FBXO31: variants seen among roughly 807,000 people sequenced by gnomAD.
The protein encoded by FBXO31 is F-box protein 31, also known as F-box only protein 31.
Under a neutral mutation model 54.4 loss-of-function variants are expected in FBXO31, and 24 were observed. The observed-to-expected ratio is 0.44, with a 90% confidence interval of 0.32 to 0.62. The LOEUF is 0.62. FBXO31 is among the 20% of genes least tolerant of loss of function. The pLI is 0.05. For synonymous variants in FBXO31, 388 were observed against 335.6 expected (o/e 1.16, Z -1.71); for missense variants, 665 against 787.1 (o/e 0.84, Z 1.86).
At position 87,343,701 on chromosome 16, in the gene FBXO31, G is replaced by T; in HGVS notation, c.554C>A (p.Pro185His). ...CCTGAACAGAGGCTTGAATCTCATA[G>T]GGTCATCGACGTGGGGGTCATGGGG... ...LPPHDPHVDD[P>H]MRFKPLFRIH... The change falls in exon 4 of 9, where the codon CCT becomes CAT. Residue 185 changes from proline (P) to histidine (H), a missense_variant. Physicochemically the swap from Pro to His is moderately conservative, Grantham distance 77. This residue lies in a region of FBXO31 where 234 missense variants were observed against 346.8 expected (regional missense o/e 0.67). Coordinates refer to ENST00000311635, the MANE Select transcript of FBXO31 (RefSeq NM_024735.5). 1 of 1,614,268 alleles carries T rather than the reference G, an allele frequency of 6.2e-7. No individual in the cohort carries two copies. Among genetic ancestry groups the T allele is most frequent in the Non-Finnish European group, 8.5e-7 (1 of 1,180,044 alleles).
intron 1 of FBXO31, among the ~76,000 whole-genome samples, chr16:87,381,742 C>T (rs1245916115): frequency 4.6e-5 from 7 of 152,184 alleles, no homozygotes; most frequent in Admixed American, 4.6e-4. Context: ...CTGCACCCTA[C>T]CAGCCAGCGT....
At chr16:87,348,475 C>T (rs1905492236) in intron 2 of FBXO31, among the ~76,000 whole-genome samples, 1 of 152,202 alleles carries the variant, frequency 6.6e-6, no homozygotes, top group Non-Finnish European at 1.5e-5. Flanking sequence ...CACGCCTGGG[C>T]CCCCTAATGG....
At chr16:87,373,129 T>C (rs893397831) in intron 1 of FBXO31, among the ~76,000 whole-genome samples, 1 of 151,222 alleles carries the variant, frequency 6.6e-6, no homozygotes, top group Non-Finnish European at 1.5e-5. Flanking sequence ...AGTGCTGAGA[T>C]AACAGATGTG....
rs1904800148 is a variant in FBXO31 at position 87,330,190 on chromosome 16, C to T, written c.*1098G>A. 6.6e-6 allele frequency: 1 copy of T among 152,480 alleles called. No individual in the cohort carries two copies. The highest frequency in any genetic ancestry group is 1.5e-5 in the Non-Finnish European group (1 of 68,202). 9.4% of individuals were successfully genotyped at this position (152,480 alleles called of 1,614,324 possible). On this transcript the variant is annotated 3_prime_UTR_variant, in exon 9 of 9. Coordinates refer to ENST00000311635, the MANE Select transcript of FBXO31 (RefSeq NM_024735.5). ...CAAGACCTCAGATGGGGTCCCCACA[C>T]GCAGGTGTTAACACAACATGGGGCA...
At chr16:87,376,423 G>A (rs1906827759) in intron 1 of FBXO31, among the ~76,000 whole-genome samples, 2 of 152,126 alleles carry the variant, frequency 1.3e-5, no homozygotes, top group African/African-American at 2.4e-5. Context: ...ACAGGTGTGA[G>A]TCACCACGTC....
Position 87,338,271 on chromosome 16 carries a change from G to A in FBXO31, c.733-2007C>T, listed in dbSNP as rs1051181433. Among the ~76,000 whole-genome samples the A allele has an allele frequency of 3.3e-5, 5 of 151,214 alleles. No individual in the cohort carries two copies. Among genetic ancestry groups the A allele is most frequent in the African/African-American group, 9.7e-5 (4 of 41,172 alleles). On this transcript the variant is annotated intron_variant, in intron 5 of 8. Coordinates refer to ENST00000311635, the MANE Select transcript of FBXO31 (RefSeq NM_024735.5). This position sits in a 1 kb window ranked among gnomAD's most constrained non-coding sequence, Gnocchi z 4.3. ...AAAACAGGGAGCCCAGGACATGCACGACAACGATCAACTTCACGTTGACCC... is the reference window on the plus strand; with the variant it reads ...AAAACAGGGAGCCCAGGACATGCACAACAACGATCAACTTCACGTTGACCC...
chr16:87,374,549 G>A (rs1353433035), intron 1 of FBXO31, among the ~76,000 whole-genome samples: 1 of 152,204 alleles, frequency 6.6e-6, no homozygotes, highest in Non-Finnish European at 1.5e-5. Flanking sequence ...CCGACTGTCT[G>A]TATAGGAAAA....
intron 1 of FBXO31, among the ~76,000 whole-genome samples, chr16:87,376,658 T>C (rs1372001388): frequency 6.6e-6 from 1 of 152,088 alleles, no homozygotes; most frequent in Admixed American, 6.6e-5. Flanking sequence ...AACTGGGTGG[T>C]AAACACAGAA....
intron 5 of FBXO31, 143 bp downstream of exon 5, chr16:87,342,734 C>T (rs1905231690): frequency 7.4e-6 from 5 of 675,566 alleles, no homozygotes; most frequent in Admixed American, 6.2e-5. Flanking sequence ...ACGGTCTGCA[C>T]TGACAATACC....
intron 2 of FBXO31, among the ~76,000 whole-genome samples, chr16:87,356,927 A>G (rs575115292): frequency 1.3e-5 from 2 of 152,158 alleles, no homozygotes; most frequent in Non-Finnish European, 2.9e-5. Flanking sequence ...TGTCTCCATC[A>G]CCACTCAACC....
At chr16:87,374,914 G>A (rs1173131232) in intron 1 of FBXO31, among the ~76,000 whole-genome samples, 1 of 152,230 alleles carries the variant, frequency 6.6e-6, no homozygotes, top group Non-Finnish European at 1.5e-5. Flanking sequence ...TGGGCGTAAT[G>A]GCTCACGCCT....
chr16:87,353,950 G>A (rs1324358585), intron 2 of FBXO31, among the ~76,000 whole-genome samples: 1 of 152,232 alleles, frequency 6.6e-6, no homozygotes, highest in Non-Finnish European at 1.5e-5. Context: ...CACAGGCTTG[G>A]GGACTAGGAT....
At chr16:87,351,442 A>C (rs1328574528) in intron 2 of FBXO31, among the ~76,000 whole-genome samples, 1 of 152,112 alleles carries the variant, frequency 6.6e-6, no homozygotes, top group East Asian at 1.9e-4. Context: ...CGTTCCCCGC[A>C]CTTCAGTGCC....
At chr16:87,381,443 C>T (rs1457942452) in intron 1 of FBXO31, among the ~76,000 whole-genome samples, 1 of 152,344 alleles carries the variant, frequency 6.6e-6, no homozygotes, top group South Asian at 2.1e-4. Flanking sequence ...GGGAGCAGCA[C>T]TTCCCACTCA....
intron 1 of FBXO31, among the ~76,000 whole-genome samples, chr16:87,389,212 A>T (rs1907430665): frequency 6.6e-6 from 1 of 152,192 alleles, no homozygotes; most frequent in African/African-American, 2.4e-5. Context: ...AATGAAACCT[A>T]TGAGCCATCT....
chr16:87,392,088 G>A (rs1248846995), upstream of FBXO31: 1 of 242,620 alleles, frequency 4.1e-6, no homozygotes, highest in Admixed American at 5.6e-5. Flanking sequence ...GTCACCTCAG[G>A]GGCCTCAGGC....
intron 5 of FBXO31, among the ~76,000 whole-genome samples, chr16:87,339,802 C>T (rs186173124): frequency 1.1e-4 from 16 of 152,288 alleles, no homozygotes; most frequent in African/African-American, 3.1e-4. Flanking sequence ...CAAGATGAGC[C>T]GGGAACATTC....
intron 1 of FBXO31, among the ~76,000 whole-genome samples, chr16:87,363,561 G>A (rs1906228859): frequency 6.6e-6 from 1 of 152,180 alleles, no homozygotes; most frequent in Non-Finnish European, 1.5e-5. Flanking sequence ...AGAAAATTCA[G>A]CAATTGCCTC....
chr16:87,382,825 G>T (rs1157716354), intron 1 of FBXO31, among the ~76,000 whole-genome samples: 1 of 152,090 alleles, frequency 6.6e-6, no homozygotes, highest in East Asian at 1.9e-4. Context: ...AAGTAGAGAC[G>T]GGGTTTTACC....
Sources: gnomAD v4.1 joint callset for allele counts (sites outside exome capture counted in the v4.1 genomes callset) on GRCh38, gnomAD v4.1.1 for gene constraint, gnomAD v4.1.1 regional missense constraint, Gnocchi (gnomAD v3.1) non-coding constraint, MANE v1.5 for transcripts, NCBI Gene and HGNC (gene_info 2026-07-23, HGNC 2026-07-21) for gene names.